NAALADL2: variants seen among roughly 807,000 people sequenced by gnomAD.
NAALADL2 encodes N-acetylated alpha-linked acidic dipeptidase like 2.
Under a neutral mutation model 87.2 loss-of-function variants are expected in NAALADL2, and 76 were observed. The observed-to-expected ratio is 0.87, with a 90% CI of 0.72 to 1.05. NAALADL2 has a LOEUF of 1.05. NAALADL2 is among the 50% of genes least tolerant of loss of function. The probability of loss-of-function intolerance (pLI) is 0.00; values close to 1 mark genes in which losing one functional copy is unlikely to be tolerated. For missense variants in NAALADL2, 1,089 were observed against 945.8 expected (o/e 1.15, Z -1.99); for synonymous variants, 354 against 331.0 (o/e 1.07, Z -0.75).
chr3:175,050,260 T>C (rs1755201019), intron 1 of NAALADL2, among the ~76,000 whole-genome samples: 1 of 152,198 alleles, frequency 6.6e-6, no homozygotes, highest in Non-Finnish European at 1.5e-5. Context: ...TCTTTATTAT[T>C]TATTTATTTA....
intron 2 of NAALADL2, among the ~76,000 whole-genome samples, chr3:174,672,518 T>C (rs1726657714): frequency 6.6e-6 from 1 of 151,962 alleles, no homozygotes; most frequent in African/African-American, 2.4e-5. Flanking sequence ...AATAAATTAA[T>C]GTAGTATAAG....
chr3:175,516,701 T>A (rs1201776276), intron 9 of NAALADL2, among the ~76,000 whole-genome samples: 1 of 152,218 alleles, frequency 6.6e-6, no homozygotes, highest in South Asian at 2.1e-4. Context: ...GGCTCTAAAT[T>A]GCGATCACTT....
At chr3:175,267,919 T>C (rs189811147) in intron 4 of NAALADL2, among the ~76,000 whole-genome samples, 4 of 152,204 alleles carry the variant, frequency 2.6e-5, no homozygotes, top group Admixed American at 2.6e-4. Flanking sequence ...AGTGTAATGA[T>C]AGTGTTGTCT....
intron 1 of NAALADL2, among the ~76,000 whole-genome samples, chr3:174,892,175 C>A (rs1433851366): frequency 6.6e-6 from 1 of 152,086 alleles, no homozygotes; most frequent in Admixed American, 6.5e-5. Flanking sequence ...TGAAGAACAT[C>A]TACTAGAATT....
At chr3:174,987,820 A>ATATATAAT (rs1746168850) in intron 1 of NAALADL2, among the ~76,000 whole-genome samples, 1 of 140,236 alleles carries the variant, frequency 7.1e-6, no homozygotes, top group African/African-American at 2.8e-5. Context: ...AATTATATAT[A>ATATATAAT]TATATATAAT....
At chr3:175,348,219 T>A (rs1024014671) in intron 5 of NAALADL2, among the ~76,000 whole-genome samples, 2 of 152,088 alleles carry the variant, frequency 1.3e-5, no homozygotes, top group African/African-American at 4.8e-5. Flanking sequence ...GCCCAGCTAA[T>A]TTTGTATTTT....
intron 2 of NAALADL2, among the ~76,000 whole-genome samples, chr3:175,187,066 C>T (rs1210821984): frequency 1.3e-5 from 2 of 152,066 alleles, no homozygotes; most frequent in African/African-American, 4.8e-5. Flanking sequence ...GCCAGTATTT[C>T]TGGTAGACAC....
intron 5 of NAALADL2, among the ~76,000 whole-genome samples, chr3:175,374,580 AAAAAAG>A (rs1766904177): frequency 4.1e-5 from 6 of 147,052 alleles, no homozygotes; most frequent in African/African-American, 1.3e-4. Context: ...AAAAAAAAAA[AAAAAAG>A]AAAGTTATAT....
chr3:174,636,402 A>T (rs1042610016), intron 2 of NAALADL2, among the ~76,000 whole-genome samples: 10 of 152,198 alleles, frequency 6.6e-5, no homozygotes, highest in African/African-American at 2.4e-4. Context: ...GTGGAAAGAC[A>T]ACCTATTGAG....
intron 2 of NAALADL2, among the ~76,000 whole-genome samples, chr3:174,708,227 T>C (rs1329446138): frequency 6.6e-6 from 1 of 152,172 alleles, no homozygotes; most frequent in Non-Finnish European, 1.5e-5. Flanking sequence ...GCTATGGGTA[T>C]GATAAATGGA....
intron 2 of NAALADL2, among the ~76,000 whole-genome samples, chr3:174,647,019 G>A (rs1037595146): frequency 2.6e-5 from 4 of 151,668 alleles, no homozygotes; most frequent in African/African-American, 9.7e-5. Flanking sequence ...TTAGTCTAAG[G>A]GTTTTCAATT....
intron 1 of NAALADL2, among the ~76,000 whole-genome samples, chr3:174,462,389 T>C (rs1473279412): frequency 6.6e-6 from 1 of 152,116 alleles, no homozygotes; most frequent in African/African-American, 2.4e-5. Context: ...GAAATCAGAA[T>C]TAGAGTTTCT....
chr3:175,181,701 A>G (rs76005331), intron 2 of NAALADL2, among the ~76,000 whole-genome samples: 77,090 of 107,134 alleles, frequency 0.72, 30,260 homozygotes, highest in Non-Finnish European at 0.8. Flanking sequence ...ATATATATAT[A>G]TATGTGTGTG....
At chr3:174,813,928 T>C (rs891117240) in intron 3 of NAALADL2, among the ~76,000 whole-genome samples, 8 of 152,278 alleles carry the variant, frequency 5.3e-5, no homozygotes, top group African/African-American at 1.9e-4. Context: ...TAGTGTCTAA[T>C]ATATGTAAGT....
intron 1 of NAALADL2, among the ~76,000 whole-genome samples, chr3:174,538,359 T>A (rs1425820787): frequency 6.6e-6 from 1 of 152,074 alleles, no homozygotes; most frequent in Non-Finnish European, 1.5e-5. Context: ...ATCCAGGTTT[T>A]GGAATTTAGG....
chr3:174,879,183 T>C (rs1728884706), intron 1 of NAALADL2, among the ~76,000 whole-genome samples: 1 of 152,124 alleles, frequency 6.6e-6, no homozygotes, highest in Non-Finnish European at 1.5e-5. Flanking sequence ...TTATTCATCT[T>C]AGTTAATGTG....
intron 2 of NAALADL2, among the ~76,000 whole-genome samples, chr3:174,663,193 CTA>C (rs891176503): frequency 2.6e-5 from 4 of 151,952 alleles, no homozygotes; most frequent in Non-Finnish European, 5.9e-5. Context: ...TTGGAGAAAA[CTA>C]TGTTTTGTCC....
chr3:175,725,606 A>C (rs1434887867), intron 11 of NAALADL2, among the ~76,000 whole-genome samples: 1 of 152,072 alleles, frequency 6.6e-6, no homozygotes, highest in South Asian at 2.1e-4. Context: ...GGTATTCCCT[A>C]TTTGCTAAAA....
chr3:175,254,797 A>T (rs779251341), intron 3 of NAALADL2, among the ~76,000 whole-genome samples: 21 of 151,178 alleles, frequency 1.4e-4, no homozygotes, highest in Non-Finnish European at 2.7e-4. Flanking sequence ...CAGCCAACTA[A>T]AAAATGTATT....
Sources: gnomAD v4.1 joint callset for allele counts (sites outside exome capture counted in the v4.1 genomes callset) on GRCh38, gnomAD v4.1.1 for gene constraint, MANE v1.5 for transcripts, NCBI Gene and HGNC (gene_info 2026-07-23, HGNC 2026-07-21) for gene names.